The following TRIM37 variants were observed in gnomAD, a reference collection of about 807,000 sequenced individuals.
The protein encoded by TRIM37 is E3 ubiquitin-protein ligase TRIM37.
In TRIM37, 80 loss-of-function variants were observed where a neutral mutation model predicts 129.8. The observed-to-expected ratio is 0.62, with a 90% CI of 0.51 to 0.74. The LOEUF is 0.74. Among genes scored for constraint, TRIM37 ranks in the 30% least tolerant of loss-of-function variants. TRIM37 has a pLI of 0.00. For synonymous variants in TRIM37, 389 were observed against 387.1 expected (o/e 1.00, Z -0.06); for missense variants, 1,054 against 1,176.5 (o/e 0.90, Z 1.52).
rs1598723919 is a variant in TRIM37 at position 58,982,667 on chromosome 17, GATTTT to G, written c.*246_*250del. The G allele has an allele frequency of 1.3e-5, 6 of 478,834 alleles. No individual in the cohort carries two copies. The East Asian group carries it at 2.0e-4, about 16-fold the overall frequency. The allele number at this position is 478,834 out of a possible 1,614,324, so 29.7% of individuals were successfully genotyped here. A position where few individuals can be genotyped will look rare whatever the true frequency, so the allele number is the denominator to read the frequency against. On this transcript the variant is annotated 3_prime_UTR_variant, in exon 25 of 25. Transcript: ENST00000393066. ...GCAATGATCAGATTGTTAATCTACA[GATTTT>G]ATTTTTTAAAATTTGGATGTAAGTA... is the stretch of plus-strand genomic sequence containing the variant.
intron 22 of TRIM37, among the ~76,000 whole-genome samples, chr17:59,012,058 T>C (rs1336894516): frequency 3.3e-5 from 5 of 152,236 alleles, no homozygotes; most frequent in Admixed American, 1.3e-4. Flanking sequence ...TGTCCTTTTA[T>C]ATAGTAACTT....
Position 58,983,170 on chromosome 17 carries a change from C to T in TRIM37, c.2892-249G>A, listed in dbSNP as rs776978358. 10 of 420,510 alleles carry T rather than the reference C, an allele frequency of 2.4e-5. No individual in the cohort carries two copies. In the South Asian group the frequency reaches 2.5e-4, roughly 11 times the overall value. 26.0% of individuals were successfully genotyped at this position (420,510 alleles called of 1,614,324 possible). A position where few individuals can be genotyped will look rare whatever the true frequency, so the allele number is the denominator to read the frequency against. The stretch of plus-strand genomic sequence containing the variant: ...TTTAGGGGTCTGGATTTTGTAGGTC[C>T]GACTACACAGCAGTGTTAACTCATT... On this transcript the variant is annotated intron_variant, in intron 24 of 24. Coordinates refer to the TRIM37 transcript ENST00000393066.
At chr17:59,085,195 G>A (rs557948719) in intron 4 of TRIM37, among the ~76,000 whole-genome samples, 2 of 152,050 alleles carry the variant, frequency 1.3e-5, no homozygotes, top group African/African-American at 4.8e-5. Context: ...GCGTGGTGGT[G>A]CACTCCTACA....
At chr17:59,094,805 G>A (rs1212774767) in intron 2 of TRIM37, among the ~76,000 whole-genome samples, 2 of 152,150 alleles carry the variant, frequency 1.3e-5, no homozygotes, top group Non-Finnish European at 2.9e-5. Context: ...TTATAGAGAC[G>A]ATATATTTCA....
At chr17:59,088,493 C>A in intron 3 of TRIM37, 86 bp from the exon 4 acceptor site, 1 of 837,064 alleles carries the variant, frequency 1.2e-6, no homozygotes, top group South Asian at 1.4e-5. Flanking sequence ...ATAGAGAGCA[C>A]AATAATACTC....
At chr17:59,032,175 G>A (rs2037921131) in intron 17 of TRIM37, 85 bp from the exon 18 acceptor site, 32 of 1,350,896 alleles carry the variant, frequency 2.4e-5, no homozygotes, top group Non-Finnish European at 3.4e-5. Context: ...AACATTATAT[G>A]AATACTTGTC....
intron 9 of TRIM37, among the ~76,000 whole-genome samples, chr17:59,070,008 C>T (rs902750954): frequency 3.9e-5 from 6 of 152,176 alleles, no homozygotes; most frequent in Non-Finnish European, 7.3e-5. Flanking sequence ...TTTAAAGGCA[C>T]CCAGTATATG....
chr17:59,083,491 C>T (rs1008829315), intron 5 of TRIM37, among the ~76,000 whole-genome samples: 1 of 150,730 alleles, frequency 6.6e-6, no homozygotes, highest in African/African-American at 2.4e-5. Flanking sequence ...AATAAAAAAG[C>T]TGCTTCTAAG....
In TRIM37 at chr17:59,014,166, C is replaced by T. The variant is rs560665111; in HGVS notation, c.2576+1444G>A. 1.7e-4 allele frequency among the ~76,000 whole-genome samples: 26 copies of T among 152,274 alleles called. No individual in the cohort carries two copies. In the South Asian group the frequency reaches 5.4e-3, roughly 32 times the overall value. On this transcript the variant is annotated intron_variant, in intron 21 of 23. Transcript: ENST00000262294. ...AATCTCCAGTGATTTTAACACCTTT[C>T]TACTACTGAAACTTGAGCCAGAAAG... is the stretch of plus-strand genomic sequence containing the variant.
rs749962622 is a variant in TRIM37 at position 59,001,758 on chromosome 17, G to C, written c.2696-44C>G. 22 of 1,609,292 alleles carry C rather than the reference G, an allele frequency of 1.4e-5. 1 individual carries two copies. The Middle Eastern group carries it at 5.1e-4, about 37-fold the overall frequency. On this transcript the variant is annotated intron_variant, in intron 22 of 23. Coordinates refer to ENST00000262294, the MANE Select transcript of TRIM37 (RefSeq NM_015294.6). ...AACATGTTTCTGAAAAGAAACCACT[G>C]TAAGTAAAAGGAAACAGAAATCTCC...
intron 19 of TRIM37, among the ~76,000 whole-genome samples, chr17:59,021,679 T>C (rs891126381): frequency 7.2e-5 from 11 of 152,144 alleles, no homozygotes; most frequent in African/African-American, 2.2e-4. Context: ...TATAGTTAGA[T>C]AGAATGAATA....
At chr17:59,080,947 A>G in intron 6 of TRIM37, 150 bp downstream of exon 6, 1 of 348,036 alleles carries the variant, frequency 2.9e-6, no homozygotes, top group Non-Finnish European at 4.4e-6. Flanking sequence ...ATACTCTGAA[A>G]TTTATGGAAT....
chr17:58,967,706 A>C, the TRIM37 span, among the ~76,000 whole-genome samples: 1 of 151,610 alleles, frequency 6.6e-6, no homozygotes, highest in Non-Finnish European at 1.5e-5. Context: ...AAATCCACTT[A>C]GCTTCCTTTT....
chr17:59,099,389 CT>C (rs2147531370), intron 2 of TRIM37, among the ~76,000 whole-genome samples: 1 of 150,328 alleles, frequency 6.7e-6, no homozygotes, highest in African/African-American at 2.4e-5. Flanking sequence ...TGTTTATTTT[CT>C]TTTTTCTTTT....
At chr17:59,057,549 A>T (rs939680042) in intron 12 of TRIM37, among the ~76,000 whole-genome samples, 4 of 151,748 alleles carry the variant, frequency 2.6e-5, no homozygotes, top group African/African-American at 9.7e-5. Context: ...TTTGAGATAG[A>T]GTCTCACTCT....
At chr17:59,005,508 C>G (rs2034368124) in intron 22 of TRIM37, among the ~76,000 whole-genome samples, 1 of 152,172 alleles carries the variant, frequency 6.6e-6, no homozygotes, top group African/African-American at 2.4e-5. Flanking sequence ...TGGTCTCGAA[C>G]TCCTGACCTT....
downstream of TRIM37, among the ~76,000 whole-genome samples, chr17:58,978,843 G>C (rs1010773722): frequency 2.0e-5 from 3 of 152,212 alleles, no homozygotes; most frequent in African/African-American, 7.2e-5. Context: ...AATGGATTTG[G>C]AAGTGCTCTG....
chr17:59,085,268 G>A (rs2043652743), intron 4 of TRIM37, among the ~76,000 whole-genome samples: 4 of 152,014 alleles, frequency 2.6e-5, no homozygotes, highest in Non-Finnish European at 5.9e-5. Flanking sequence ...AGAGGTTGCA[G>A]TGAGCTGATA....
chr17:59,059,823 C>T (rs189063952), intron 12 of TRIM37, among the ~76,000 whole-genome samples: 1 of 152,312 alleles, frequency 6.6e-6, no homozygotes, highest in East Asian at 1.9e-4. Flanking sequence ...CTAATTTCTG[C>T]TATCGAGACA....
Sources: allele counts gnomAD v4.1 joint callset (sites outside exome capture counted in the v4.1 genomes callset), GRCh38; gene constraint gnomAD v4.1.1; transcripts MANE v1.5; gene names NCBI Gene and HGNC (gene_info 2026-07-23, HGNC 2026-07-21).